The following CPVL variants were observed in gnomAD, a reference collection of about 807,000 sequenced individuals.
The protein encoded by CPVL is probable serine carboxypeptidase CPVL.
CPVL carries 51 observed loss-of-function variants against 63.7 expected under a neutral mutation model. That is an observed-to-expected ratio of 0.80 (90% confidence interval 0.64 to 1.01). The LOEUF is 1.01. CPVL is among the 50% of genes least tolerant of loss of function. The pLI, the probability that CPVL is intolerant of heterozygous loss-of-function variation, is 0.00. For missense variants in CPVL, 530 were observed against 573.1 expected (o/e 0.92, Z 0.77); for synonymous variants, 195 against 206.0 (o/e 0.95, Z 0.46).
At chr7:29,045,683 T>C (rs1789542192) in intron 11 of CPVL, among the ~76,000 whole-genome samples, 1 of 152,222 alleles carries the variant, frequency 6.6e-6, no homozygotes, top group Non-Finnish European at 1.5e-5. Flanking sequence ...CATTTAAGTG[T>C]TAAATTTTTC....
At chr7:29,115,126 G>A (rs896643682) in intron 2 of CPVL, among the ~76,000 whole-genome samples, 2 of 152,144 alleles carry the variant, frequency 1.3e-5, no homozygotes, top group Non-Finnish European at 2.9e-5. Flanking sequence ...TACTGATTCC[G>A]CTATCCTGGG....
chr7:29,065,622 T>G (rs1269683789), intron 10 of CPVL, among the ~76,000 whole-genome samples: 3 of 152,198 alleles, frequency 2.0e-5, no homozygotes, highest in Non-Finnish European at 4.4e-5. Flanking sequence ...GCTTTGGCAG[T>G]TTTGATTATC....
At chr7:29,174,853 C>T (rs968114741) in intron 5 of CPVL, among the ~76,000 whole-genome samples, 2 of 141,474 alleles carry the variant, frequency 1.4e-5, no homozygotes, top group African/African-American at 5.2e-5. Context: ...AAGAGCAAAA[C>T]TCCATCTAAA....
At chr7:29,035,655 G>A (rs904841341) in intron 11 of CPVL, among the ~76,000 whole-genome samples, 3 of 152,298 alleles carry the variant, frequency 2.0e-5, no homozygotes, top group African/African-American at 7.2e-5. Flanking sequence ...ACATCCCCAG[G>A]CCTTGCACAG....
At chr7:29,127,872 T>A (rs245858) in intron 1 of CPVL, 105,011 of 152,074 alleles carry the variant, frequency 0.69, 36,342 homozygotes, top group East Asian at 0.88. Flanking sequence ...TCTGCACAAC[T>A]GTCCCTAAAC....
intron 5 of CPVL, among the ~76,000 whole-genome samples, chr7:29,169,835 T>TAC (rs1289308604): frequency 6.6e-6 from 1 of 151,346 alleles, no homozygotes; most frequent in Admixed American, 6.6e-5. Context: ...TATATATATA[T>TAC]ACACACATAT....
At chr7:29,094,746 C>T (rs1046712444) in intron 5 of CPVL, among the ~76,000 whole-genome samples, 3 of 151,900 alleles carry the variant, frequency 2.0e-5, no homozygotes, top group South Asian at 2.1e-4. Context: ...GCCTGTAATC[C>T]CAGCTACTTG....
intron 1 of CPVL, among the ~76,000 whole-genome samples, chr7:29,121,715 T>C (rs771181038): frequency 2.6e-4 from 39 of 152,282 alleles, no homozygotes; most frequent in South Asian, 4.1e-4. Context: ...GGAAACAGCT[T>C]AAGCAAAGGT....
intron 11 of CPVL, among the ~76,000 whole-genome samples, chr7:29,050,050 T>C (rs958636167): frequency 1.3e-5 from 2 of 152,034 alleles, no homozygotes; most frequent in Non-Finnish European, 2.9e-5. Flanking sequence ...AACATAATAC[T>C]GAATAGGGAA....
rs370915214 is a variant in CPVL at position 29,057,973 on chromosome 7, A to T, written c.1137+6088T>A. Reference sequence around the variant, plus strand: ...TGGGTAATGTCAATCTTCTGACTTTATTCCTCTTGTTCAATGTTGTGTTGG... The same window carrying T: ...TGGGTAATGTCAATCTTCTGACTTTTTTCCTCTTGTTCAATGTTGTGTTGG... On this transcript the variant is annotated intron_variant, in intron 11 of 12. Transcript: ENST00000265394. 2.2e-4 allele frequency among the ~76,000 whole-genome samples: 34 copies of T among 152,244 alleles called. No individual in the cohort carries two copies. The Middle Eastern group carries it at 0.014, about 61-fold the overall frequency.
chr7:29,185,986 G>A (rs1192456472), intron 2 of CPVL, among the ~76,000 whole-genome samples: 1 of 152,170 alleles, frequency 6.6e-6, no homozygotes, highest in African/African-American at 2.4e-5. Context: ...CCCCAGAGGT[G>A]ATCAAATTAT....
intron 11 of CPVL, among the ~76,000 whole-genome samples, chr7:29,063,666 G>A (rs556313108): frequency 6.6e-6 from 1 of 152,258 alleles, no homozygotes; most frequent in East Asian, 1.9e-4. Context: ...TGCCTCCCGG[G>A]TTCAAGTGAT....
chr7:29,136,145 T>C (rs946284657), intron 1 of CPVL, among the ~76,000 whole-genome samples: 3 of 152,228 alleles, frequency 2.0e-5, no homozygotes. Flanking sequence ...GGGATCCACA[T>C]GAGATGTCCT....
At chr7:29,081,316 T>G (rs1384448050) in intron 7 of CPVL, 1 of 152,254 alleles carries the variant, frequency 6.6e-6, no homozygotes, top group African/African-American at 2.4e-5. Context: ...GAGGGTGATT[T>G]ACAGACACAT....
intron 2 of CPVL, among the ~76,000 whole-genome samples, chr7:29,114,028 C>G (rs773042094): frequency 3.4e-4 from 51 of 152,114 alleles, no homozygotes; most frequent in African/African-American, 1.2e-3. Flanking sequence ...ACTAAAGATG[C>G]CTTTGACGGT....
intron 5 of CPVL, among the ~76,000 whole-genome samples, chr7:29,162,759 T>C (rs1306167276): frequency 6.6e-6 from 1 of 150,620 alleles, no homozygotes; most frequent in Non-Finnish European, 1.5e-5. Flanking sequence ...ATTCTTAAAA[T>C]GACAAAGTTG....
intron 11 of CPVL, among the ~76,000 whole-genome samples, chr7:29,055,511 A>G (rs2128177887): frequency 6.7e-6 from 1 of 148,252 alleles, no homozygotes; most frequent in South Asian, 2.2e-4. Flanking sequence ...TCAGCCTCCC[A>G]AAGCACTGAG....
chr7:29,170,496 G>A (rs1796458811), intron 5 of CPVL, among the ~76,000 whole-genome samples: 2 of 152,140 alleles, frequency 1.3e-5, no homozygotes, highest in South Asian at 2.1e-4. Flanking sequence ...TTCATCTGGG[G>A]ACGAATTTAA....
At chr7:29,021,852 T>A (rs1221371642) in intron 12 of CPVL, among the ~76,000 whole-genome samples, 1 of 151,892 alleles carries the variant, frequency 6.6e-6, no homozygotes, top group Non-Finnish European at 1.5e-5. Flanking sequence ...CATATCTACA[T>A]CCCTGAACCC....
Sources: allele counts gnomAD v4.1 joint callset (sites outside exome capture counted in the v4.1 genomes callset), GRCh38; gene constraint gnomAD v4.1.1; transcripts MANE v1.5; gene names NCBI Gene and HGNC (gene_info 2026-07-23, HGNC 2026-07-21).